The following CRYBG1 variants were observed in gnomAD, a reference collection of about 807,000 sequenced individuals.
CRYBG1 encodes the protein crystallin beta-gamma domain containing 1.
Under a neutral mutation model 189.2 loss-of-function variants are expected in CRYBG1, and 139 were observed. The observed-to-expected ratio is 0.73, with a 90% CI of 0.64 to 0.85. The LOEUF is 0.85. Among genes scored for constraint, CRYBG1 ranks in the 40% least tolerant of loss-of-function variants. CRYBG1 has a pLI of 0.00. For missense variants in CRYBG1, 2,611 were observed against 2,675.8 expected (o/e 0.98, Z 0.53); for synonymous variants, 1,023 against 1,017.1 (o/e 1.01, Z -0.11).
intron 18 of CRYBG1, among the ~76,000 whole-genome samples, chr6:106,559,645 T>C (rs1774650374): frequency 6.6e-6 from 1 of 151,476 alleles, no homozygotes; most frequent in Non-Finnish European, 1.5e-5. Flanking sequence ...ATTAGCCAGG[T>C]GTGGTGGTGG....
At chr6:106,563,743 C>G in intron 20 of CRYBG1, 21 bp from the exon 21 acceptor site, 1 of 1,584,094 alleles carries the variant, frequency 6.3e-7, no homozygotes, top group Non-Finnish European at 8.7e-7. Flanking sequence ...TTTAAGATAT[C>G]TGGTCTTTTC....
chr6:106,385,519 A>G (rs1478842204), intron 1 of CRYBG1, among the ~76,000 whole-genome samples: 3 of 152,214 alleles, frequency 2.0e-5, no homozygotes, highest in African/African-American at 4.8e-5. Context: ...TTTTCCTGAT[A>G]CATAATCATT....
At chr6:106,373,563 C>T (rs1270009880) in intron 1 of CRYBG1, among the ~76,000 whole-genome samples, 1 of 152,166 alleles carries the variant, frequency 6.6e-6, no homozygotes, top group Non-Finnish European at 1.5e-5. Context: ...GTACCCATTT[C>T]TCTCAAAACT....
At chr6:106,402,670 C>T (rs187897504) in intron 1 of CRYBG1, among the ~76,000 whole-genome samples, 244 of 151,748 alleles carry the variant, frequency 1.6e-3, no homozygotes, top group Non-Finnish European at 2.8e-3. Context: ...AAGATTTAAA[C>T]GTTAGACCTA....
chr6:106,475,791 G>A (rs1772322051), intron 2 of CRYBG1, among the ~76,000 whole-genome samples: 1 of 152,212 alleles, frequency 6.6e-6, no homozygotes, highest in African/African-American at 2.4e-5. Flanking sequence ...AACTGGCAGA[G>A]GGAAACAAGA....
chr6:106,516,001 G>A (rs1228981533), intron 3 of CRYBG1, among the ~76,000 whole-genome samples: 1 of 150,604 alleles, frequency 6.6e-6, no homozygotes. Context: ...ATGTTCCCCG[G>A]GCTGGTCTCA....
chr6:106,377,210 T>C (rs1473938255), intron 1 of CRYBG1, among the ~76,000 whole-genome samples: 2 of 152,166 alleles, frequency 1.3e-5, no homozygotes, highest in Non-Finnish European at 2.9e-5. Context: ...ATACATACAG[T>C]CCTCTATCTC....
intron 2 of CRYBG1, among the ~76,000 whole-genome samples, chr6:106,502,991 A>T (rs2114511948): frequency 6.6e-6 from 1 of 152,358 alleles, no homozygotes; most frequent in South Asian, 2.1e-4. Flanking sequence ...TAGCTAATGA[A>T]GCCTTCCCAT....
rs1771851880 is a variant in CRYBG1 at position 106,360,845 on chromosome 6, C to A, written c.-64C>A. 1.4e-6 allele frequency: 2 copies of A among 1,463,388 alleles called. No homozygotes were observed. Among genetic ancestry groups the A allele is most frequent in the South Asian group, 2.7e-5 (2 of 73,870 alleles). 90.7% of individuals were successfully genotyped at this position (1,463,388 alleles called of 1,614,324 possible). A position where few individuals can be genotyped will look rare whatever the true frequency, so the allele number is the denominator to read the frequency against. On this transcript the variant is annotated 5_prime_UTR_variant, in exon 1 of 22. Transcript: ENST00000633556. ...CGAGCTGGCGCTCAGGTGTGTTCTTCCATAGGGCCCGGGCGGCAGAGAGGA... is the reference window on the plus strand; with the variant it reads ...CGAGCTGGCGCTCAGGTGTGTTCTTACATAGGGCCCGGGCGGCAGAGAGGA...
chr6:106,487,491 T>G (rs1772617819), intron 2 of CRYBG1, among the ~76,000 whole-genome samples: 2 of 152,204 alleles, frequency 1.3e-5, no homozygotes, highest in South Asian at 4.1e-4. Flanking sequence ...CTCTCAGTTT[T>G]TGCTTGTCTG....
At chr6:106,502,024 T>C (rs1344142408) in intron 2 of CRYBG1, among the ~76,000 whole-genome samples, 1 of 152,170 alleles carries the variant, frequency 6.6e-6, no homozygotes, top group Non-Finnish European at 1.5e-5. Flanking sequence ...CTCATTTCTC[T>C]TCTGGGTCCC....
Position 106,521,152 on chromosome 6 carries a change from A to T in CRYBG1, c.3944A>T (p.Asn1315Ile), listed in dbSNP as rs146778804. The T allele has an allele frequency of 6.2e-6, 10 of 1,613,968 alleles. No individual in the cohort carries two copies. The highest frequency in any genetic ancestry group is 8.5e-6 in the Non-Finnish European group (10 of 1,180,022). ...PDNSLKVFNF[N>I]SSSTSHSSLK... ...AACTCCTTAAAGGTCTTCAATTTCA[A>T]CTCGTCAAGTACATCACACTCCAGT... The change falls in exon 4 of 22, where the codon AAC (asparagine) becomes ATC (isoleucine). Residue 1315 changes from asparagine to isoleucine, a missense_variant. Asn to Ile is a moderately radical substitution (Grantham distance 149). Around this residue, in one of 3 missense-constraint regions of CRYBG1, gnomAD observed 1,622 missense variants for 1,735.0 expected, o/e 0.93. Coordinates refer to ENST00000633556, the MANE Select transcript of CRYBG1 (RefSeq NM_001371242.2).
intron 17 of CRYBG1, among the ~76,000 whole-genome samples, chr6:106,558,135 A>G (rs990748113): frequency 1.4e-4 from 20 of 143,188 alleles, no homozygotes; most frequent in African/African-American, 4.5e-4. Context: ...AATTATGTCC[A>G]TGACTTTCCA....
At chr6:106,385,965 G>C (rs1191706399) in intron 1 of CRYBG1, among the ~76,000 whole-genome samples, 1 of 152,040 alleles carries the variant, frequency 6.6e-6, no homozygotes, top group Non-Finnish European at 1.5e-5. Flanking sequence ...TTCTGTTCTT[G>C]GTGTTCACAT....
chr6:106,405,261 C>T (rs963060737), intron 1 of CRYBG1, among the ~76,000 whole-genome samples: 3 of 152,234 alleles, frequency 2.0e-5, no homozygotes, highest in African/African-American at 7.2e-5. Flanking sequence ...GTAAACAAAG[C>T]TGCTGGGAAG....
chr6:106,526,021 C>T (rs991518328), intron 6 of CRYBG1, among the ~76,000 whole-genome samples: 2 of 152,084 alleles, frequency 1.3e-5, no homozygotes, highest in South Asian at 2.1e-4. Flanking sequence ...ATTTTATCAG[C>T]TTCATTGCCT....
intron 1 of CRYBG1, among the ~76,000 whole-genome samples, chr6:106,367,443 TG>T (rs1259101170): frequency 2.0e-5 from 3 of 151,822 alleles, no homozygotes; most frequent in African/African-American, 4.8e-5. Context: ...AAAGATTAGC[TG>T]GGCGTGGTGG....
rs1582718909 is a variant in CRYBG1 at position 106,360,814 on chromosome 6, G to A, written c.-95G>A. 1.5e-6 allele frequency: 2 copies of A among 1,372,442 alleles called. No homozygotes were observed. Among genetic ancestry groups the A allele is most frequent in the Non-Finnish European group, 1.9e-6 (2 of 1,055,124 alleles). The allele number at this position is 1,372,442 out of a possible 1,614,324, so 85.0% of individuals were successfully genotyped here. On this transcript the variant is annotated 5_prime_UTR_variant, in exon 1 of 22. Coordinates refer to ENST00000633556, the MANE Select transcript of CRYBG1 (RefSeq NM_001371242.2). ...CGGGGTCCCACGGCGCGCTGAGAAA[G>A]GCGGGCGAGCTGGCGCTCAGGTGTG...
chr6:106,568,424 C>A (rs751598580), intron 21 of CRYBG1, 48 bp from the exon 22 acceptor site: 9 of 1,432,524 alleles, frequency 6.3e-6, no homozygotes, highest in South Asian at 4.6e-5. Context: ...CTGCTATAGA[C>A]CCTTCACCAT....
Sources: gnomAD v4.1 joint callset for allele counts (sites outside exome capture counted in the v4.1 genomes callset) on GRCh38, gnomAD v4.1.1 for gene constraint, gnomAD v4.1.1 regional missense constraint, MANE v1.5 for transcripts, NCBI Gene and HGNC (gene_info 2026-07-23, HGNC 2026-07-21) for gene names.